Variants in ASPH observed in about 807,000 individuals in gnomAD.
The protein encoded by ASPH is aspartate beta-hydroxylase, also known as aspartyl/asparaginyl beta-hydroxylase.
In ASPH, 100 loss-of-function variants were observed where a neutral mutation model predicts 118.4. The observed-to-expected ratio is 0.84, with a 90% CI of 0.72 to 1.00. The LOEUF (loss-of-function observed/expected upper bound fraction) is 1.00, where lower values mean the gene tolerates loss of function less well. Among genes scored for constraint, ASPH ranks in the 50% least tolerant of loss-of-function variants. The pLI, the probability that ASPH is intolerant of heterozygous loss-of-function variation, is 0.00. For synonymous variants in ASPH, 315 were observed against 325.6 expected (o/e 0.97, Z 0.35); for missense variants, 920 against 919.5 (o/e 1.00, Z -0.01).
intron 14 of ASPH, among the ~76,000 whole-genome samples, chr8:61,601,080 C>T (rs1356649342): frequency 6.6e-6 from 1 of 151,248 alleles, no homozygotes; most frequent in Non-Finnish European, 1.5e-5. Flanking sequence ...AGTTACAGAA[C>T]TTTAAAATCC....
chr8:61,675,041 A>G (rs1246735470), intron 3 of ASPH, among the ~76,000 whole-genome samples: 1 of 152,164 alleles, frequency 6.6e-6, no homozygotes, highest in Non-Finnish European at 1.5e-5. Flanking sequence ...TGCATTTTGT[A>G]TATAGCTGCT....
At chr8:61,617,008 T>C (rs1304352351) in intron 14 of ASPH, among the ~76,000 whole-genome samples, 1 of 152,208 alleles carries the variant, frequency 6.6e-6, no homozygotes, top group Non-Finnish European at 1.5e-5. Flanking sequence ...GAGTCGGTTT[T>C]AGACTTGTTA....
At chr8:61,573,694 A>G (rs941843138) in intron 16 of ASPH, among the ~76,000 whole-genome samples, 1 of 152,050 alleles carries the variant, frequency 6.6e-6, no homozygotes, top group African/African-American at 2.4e-5. Context: ...CTTTCCTTAT[A>G]CCTTATACAA....
At chr8:61,643,748 C>A (rs549180502) in intron 8 of ASPH, among the ~76,000 whole-genome samples, 197 bp downstream of exon 8, 234 of 152,344 alleles carry the variant, frequency 1.5e-3, no homozygotes, top group Admixed American at 4.4e-3. Context: ...AAAAATACGT[C>A]TCCTTTTTCT....
chr8:61,566,007 C>T (rs1358353360), intron 17 of ASPH, among the ~76,000 whole-genome samples: 1 of 152,120 alleles, frequency 6.6e-6, no homozygotes, highest in African/African-American at 2.4e-5. Flanking sequence ...AAAAGATTCC[C>T]TTCAAAATAT....
rs573844266 is a variant in ASPH, at chr8:61,651,518, T to C, written c.416-394A>G. 5 of 181,184 alleles carry C rather than the reference T, an allele frequency of 2.8e-5. No individual in the cohort carries two copies. In the South Asian group the frequency reaches 6.2e-4, roughly 22 times the overall value. The allele number at this position is 181,184 out of a possible 1,614,324, so 11.2% of individuals were successfully genotyped here. A position where few individuals can be genotyped will look rare whatever the true frequency, so the allele number is the denominator to read the frequency against. On this transcript the variant is annotated intron_variant, in intron 4 of 24. Coordinates refer to ENST00000379454, the MANE Select transcript of ASPH (RefSeq NM_004318.4). Reference sequence around the variant, plus strand: ...AAATAGTTGGAAATAAAGACAGAAATGTGGAAGACAAGGTCAATACAGATT... The same window carrying C: ...AAATAGTTGGAAATAAAGACAGAAACGTGGAAGACAAGGTCAATACAGATT...
Position 61,684,059 on chromosome 8 carries a change from A to G in ASPH, c.233T>C (p.Val78Ala). Residue 78 changes from valine (V) to alanine (A), a missense_variant, in exon 2 of 25, where the codon GTT becomes GCT. By Grantham distance (64) the Val-to-Ala change is moderately conservative (BLOSUM62 0). Coordinates refer to ENST00000379454, the MANE Select transcript of ASPH (RefSeq NM_004318.4). ...TSVAVVWFDL[V>A]DYEEVLGKLG... ...CTTACCTAGAACTTCCTCATAGTCA[A>G]CAAGATCAAACCAAACGACAGCTAC... The G allele has an allele frequency of 6.2e-7, 1 of 1,613,686 alleles. No individual in the cohort carries two copies. The highest frequency in any genetic ancestry group is 8.5e-7 in the Non-Finnish European group (1 of 1,179,698).
chr8:61,682,407 C>G lies in ASPH; in HGVS notation c.254-1371G>C, dbSNP rs61531105. The G allele has an allele frequency of 2.1e-4, 338 of 1,598,064 alleles. No individual in the cohort carries two copies. In the African/African-American group the frequency reaches 4.2e-3, roughly 20 times the overall value. On this transcript the variant is annotated intron_variant, in intron 2 of 24. Coordinates refer to ENST00000379454, the MANE Select transcript of ASPH (RefSeq NM_004318.4). Reference sequence around the variant, plus strand: ...GGATGAGCCATTAGAGAGTAACACACGTAGACTTGAAATGCAACTCCAATA... The same window carrying G: ...GGATGAGCCATTAGAGAGTAACACAGGTAGACTTGAAATGCAACTCCAATA...
Position 61,667,661 on chromosome 8 carries a change from G to C in ASPH, c.322+13307C>G, listed in dbSNP as rs1039454508. Among the ~76,000 whole-genome samples, 3 of 152,114 alleles carry C rather than the reference G, an allele frequency of 2.0e-5. No individual in the cohort carries two copies. The East Asian group carries it at 5.8e-4, about 29-fold the overall frequency. On this transcript the variant is annotated intron_variant, in intron 3 of 24. Transcript: ENST00000379454. ...ATTACAGGCGTGAGCCACCGTGCCC[G>C]GACAATAATTTTTAATGAATTAAAA...
At chr8:61,625,005 A>C in intron 13 of ASPH, 1 of 985,526 alleles carries the variant, frequency 1.0e-6, no homozygotes, top group Non-Finnish European at 1.2e-6. Context: ...AAAAATATAG[A>C]AGTATCTTTG....
At position 61,646,740 on chromosome 8, in the gene ASPH, A is replaced by T; in HGVS notation, c.619+10T>A. 2 of 1,601,724 alleles carry T rather than the reference A, an allele frequency of 1.2e-6. No homozygotes were observed. Among genetic ancestry groups the T allele is most frequent in the Non-Finnish European group, 1.7e-6 (2 of 1,175,092 alleles). On this transcript the variant is annotated intron_variant, in intron 6 of 24. Transcript: ENST00000379454. ...ATTTTATCCTAAAACTTGAAAAAAA[A>T]GTGTTCTACCTTCATGAGATACTTC...
chr8:61,547,375 G>T (rs1266222540), intron 21 of ASPH, among the ~76,000 whole-genome samples: 1 of 152,214 alleles, frequency 6.6e-6, no homozygotes, highest in Non-Finnish European at 1.5e-5. Flanking sequence ...AGGGCCAGTG[G>T]TTCTCAAAGT....
At chr8:61,538,814 A>C (rs1820599218) in intron 21 of ASPH, among the ~76,000 whole-genome samples, 2 of 152,248 alleles carry the variant, frequency 1.3e-5, no homozygotes, top group Admixed American at 1.3e-4. Context: ...ATTTTGGATC[A>C]CAAAACTTAT....
chr8:61,586,443 C>T (rs1458875948), intron 14 of ASPH, among the ~76,000 whole-genome samples: 8 of 152,048 alleles, frequency 5.3e-5, no homozygotes, highest in Admixed American at 5.2e-4. Context: ...AGAATGACAC[C>T]CAATTGTCCA....
chr8:61,609,561 G>A (rs865812815), intron 14 of ASPH, among the ~76,000 whole-genome samples: 7 of 152,066 alleles, frequency 4.6e-5, no homozygotes, highest in East Asian at 1.9e-4. Context: ...AAGGAAAGGC[G>A]GTAGACTGGC....
At chr8:61,562,647 CTT>C (rs1222997846) in intron 18 of ASPH, 95 bp downstream of exon 18, 5 of 1,228,444 alleles carry the variant, frequency 4.1e-6, no homozygotes, top group Non-Finnish European at 5.4e-6. Flanking sequence ...TGCTTTTTAA[CTT>C]AATTTAAAAT....
chr8:61,554,915 G>T (rs1024466873), intron 19 of ASPH, among the ~76,000 whole-genome samples: 5 of 151,998 alleles, frequency 3.3e-5, no homozygotes, highest in Non-Finnish European at 2.9e-5. Flanking sequence ...AATCTCACTA[G>T]GTTGCCTAGG....
intron 19 of ASPH, among the ~76,000 whole-genome samples, chr8:61,553,378 G>A (rs1295507876): frequency 6.6e-6 from 1 of 152,204 alleles, no homozygotes; most frequent in Non-Finnish European, 1.5e-5. Context: ...ATGATACTTT[G>A]TGTACCTTCT....
rs5891812 is a variant in ASPH at position 61,563,195 on chromosome 8, T to TA, written c.1301-316dup. On this transcript the variant is annotated intron_variant, in intron 17 of 24. Transcript: ENST00000379454. ...AAAAACTTAGTTAACAATTCCTCGTTAAAAAAAAAAGTTCTGCTGAAATCT... is the reference window on the plus strand; with the variant it reads ...AAAAACTTAGTTAACAATTCCTCGTTAAAAAAAAAAAGTTCTGCTGAAATCT... Among the ~76,000 whole-genome samples, 132,736 of 149,702 alleles carry TA rather than the reference T, an allele frequency of 0.89. 58,860 individuals are homozygous for TA. The highest frequency in any genetic ancestry group is 0.9 in the Non-Finnish European group (60,521 of 67,316).
Sources: gnomAD v4.1 joint callset for allele counts (sites outside exome capture counted in the v4.1 genomes callset) on GRCh38, gnomAD v4.1.1 for gene constraint, MANE v1.5 for transcripts, NCBI Gene and HGNC (gene_info 2026-07-23, HGNC 2026-07-21) for gene names.